SOX5: variants seen among roughly 807,000 people sequenced by gnomAD.
SOX5 encodes transcription factor SOX-5.
In SOX5, 9 loss-of-function variants were observed where a neutral mutation model predicts 92.0. That is an observed-to-expected ratio of 0.10 (90% confidence interval 0.06 to 0.17). The LOEUF (loss-of-function observed/expected upper bound fraction) is 0.17, where lower values mean the gene tolerates loss of function less well. SOX5 is among the 10% of genes least tolerant of loss of function. The pLI, the probability that SOX5 is intolerant of heterozygous loss-of-function variation, is 1.00. For synonymous variants in SOX5, 344 were observed against 336.3 expected, an observed-to-expected ratio of 1.02 and a Z score of -0.25; for missense variants, 642 against 944.5, an observed-to-expected ratio of 0.68 and a Z score of 4.20.
rs115995444 is a variant in SOX5, at chr12:24,197,856, A to T, written c.-2+15487T>A. On this transcript the variant is annotated intron_variant, in intron 4 of 4. Transcript: ENST00000446891. ...GTTCCTGTTACTTGAAGCTGAATAC[A>T]ATTGCTAAGTGATAGGGACTCACAG... Among the ~76,000 whole-genome samples the T allele has an allele frequency of 3.7e-3, 571 of 152,312 alleles. 4 individuals carry two copies. Among genetic ancestry groups the T allele is most frequent in the African/African-American group, 0.012 (508 of 41,558 alleles).
chr12:24,155,188 G>A (rs1952040200), intron 4 of SOX5, among the ~76,000 whole-genome samples: 1 of 152,018 alleles, frequency 6.6e-6, no homozygotes, highest in Non-Finnish European at 1.5e-5. Context: ...ATTATTTTCA[G>A]GGGTTTCATG....
At chr12:23,568,417 C>T (rs1256580424) in intron 10 of SOX5, among the ~76,000 whole-genome samples, 1 of 152,158 alleles carries the variant, frequency 6.6e-6, no homozygotes, top group Non-Finnish European at 1.5e-5. Flanking sequence ...ATATGCCACC[C>T]TTGGTCTTTA....
intron 4 of SOX5, among the ~76,000 whole-genome samples, chr12:23,744,551 A>G (rs2093916154): frequency 6.6e-6 from 1 of 152,204 alleles, no homozygotes; most frequent in Non-Finnish European, 1.5e-5. Flanking sequence ...TTAATCAATC[A>G]CAGTAATTTT....
chr12:24,108,512 A>C (rs1308001609), intron 4 of SOX5, among the ~76,000 whole-genome samples: 1 of 152,102 alleles, frequency 6.6e-6, no homozygotes, highest in Non-Finnish European at 1.5e-5. Context: ...CTGTCAAGTT[A>C]ACTCTCTAAT....
Position 24,256,847 on chromosome 12 carries a change from C to T in SOX5, c.-77+20369G>A, listed in dbSNP as rs559162972. 4.6e-5 allele frequency among the ~76,000 whole-genome samples: 7 copies of T among 152,286 alleles called. No individual in the cohort carries two copies. In the East Asian group the frequency reaches 9.7e-4, roughly 21 times the overall value. ...TGTCATCTGCCTGCTGCATGACTCC[C>T]GGCTTTGCTATAATTATTAATTGCA... On this transcript the variant is annotated intron_variant, in intron 3 of 4. Coordinates refer to the SOX5 transcript ENST00000446891.
chr12:23,562,078 T>G (rs758220272), intron 11 of SOX5, among the ~76,000 whole-genome samples: 2 of 152,178 alleles, frequency 1.3e-5, no homozygotes, highest in African/African-American at 4.8e-5. Flanking sequence ...CATTCCTTCT[T>G]AGAACTGTCA....
chr12:23,721,014 A>T (rs2092785155), intron 6 of SOX5, among the ~76,000 whole-genome samples: 1 of 152,142 alleles, frequency 6.6e-6, no homozygotes, highest in African/African-American at 2.4e-5. Context: ...ATCTTCATCT[A>T]CAAAAGAAGA....
rs146649588 is a variant in SOX5 at position 24,495,538 on chromosome 12, T to C, written c.-251+66791A>G. On this transcript the variant is annotated intron_variant, in intron 1 of 4. Coordinates refer to the SOX5 transcript ENST00000446891. The stretch of plus-strand genomic sequence containing the variant: ...TTGCAAAGTATCAACCAATAACAAA[T>C]CTGGATGTTGATTTCTTTTCCATTT... Among the ~76,000 whole-genome samples, 45 of 152,254 alleles carry C rather than the reference T, an allele frequency of 3.0e-4. No individual in the cohort carries two copies. The East Asian group carries it at 4.2e-3, about 14-fold the overall frequency.
intron 2 of SOX5, among the ~76,000 whole-genome samples, chr12:23,863,793 TACACACACACACACACACACACAC>T (rs71059936): frequency 0.11 from 15,412 of 145,752 alleles, 826 homozygotes; most frequent in South Asian, 0.16. Flanking sequence ...TTAAACACAC[TACACACACACACACACACACACAC>T]ACACACACAC....
intron 1 of SOX5, among the ~76,000 whole-genome samples, chr12:24,392,080 G>A (rs924074926): frequency 2.6e-5 from 4 of 151,982 alleles, no homozygotes; most frequent in African/African-American, 9.7e-5. Context: ...CTCATCTCCT[G>A]CATTCAGCTA....
intron 10 of SOX5, among the ~76,000 whole-genome samples, chr12:23,575,217 C>G (rs545234308): frequency 6.6e-6 from 1 of 152,128 alleles, no homozygotes; most frequent in South Asian, 2.1e-4. Context: ...AATCCTCAAA[C>G]AGAACGAAAC....
chr12:24,389,363 A>G (rs1958755245), intron 1 of SOX5, among the ~76,000 whole-genome samples: 1 of 152,056 alleles, frequency 6.6e-6, no homozygotes, highest in Non-Finnish European at 1.5e-5. Context: ...TCATTGTTGG[A>G]CATTTGGGTT....
chr12:23,888,949 T>C (rs368292684), intron 2 of SOX5, among the ~76,000 whole-genome samples: 1 of 152,196 alleles, frequency 6.6e-6, no homozygotes, highest in Non-Finnish European at 1.5e-5. Context: ...AGTTTATAGA[T>C]AAACTGTGTG....
At chr12:23,951,045 T>C, upstream of SOX5, 1 of 593,720 alleles carries the variant, frequency 1.7e-6, no homozygotes, top group South Asian at 2.2e-5. Context: ...GAGGGTTCAT[T>C]CTGCACAAAA....
At chr12:23,725,989 A>G (rs935364961) in intron 6 of SOX5, among the ~76,000 whole-genome samples, 1 of 152,156 alleles carries the variant, frequency 6.6e-6, no homozygotes. Context: ...TTTTCCTTCA[A>G]GGGAAAACTA....
In SOX5 at chr12:24,377,460, T is replaced by G. The variant is rs180705313; in HGVS notation, c.-250-8821A>C. 1.4e-4 allele frequency among the ~76,000 whole-genome samples: 21 copies of G among 151,506 alleles called. No individual in the cohort carries two copies. In the East Asian group the frequency reaches 3.5e-3, roughly 25 times the overall value. On this transcript the variant is annotated intron_variant, in intron 1 of 4. Coordinates refer to the SOX5 transcript ENST00000446891. The stretch of plus-strand genomic sequence containing the variant: ...ACATAACCATTTCTGAAACTAAAAC[T>G]AACTAAGAATGCAGAAAAATGTTAC...
At chr12:23,567,628 TA>T (rs1042938339) in intron 10 of SOX5, among the ~76,000 whole-genome samples, 13 of 152,102 alleles carry the variant, frequency 8.5e-5, no homozygotes, top group African/African-American at 2.7e-4. Flanking sequence ...AGTTACTTTT[TA>T]AGTTTTTGTA....
chr12:23,685,032 A>C (rs964521941), intron 6 of SOX5, among the ~76,000 whole-genome samples: 1 of 152,218 alleles, frequency 6.6e-6, no homozygotes, highest in East Asian at 1.9e-4. Flanking sequence ...ATCTTCCTTG[A>C]CTATTTCTCA....
intron 2 of SOX5, among the ~76,000 whole-genome samples, chr12:24,288,833 TTC>T (rs1321089708): frequency 1.3e-5 from 2 of 151,994 alleles, no homozygotes; most frequent in East Asian, 1.9e-4. Flanking sequence ...GTGAATTTGG[TTC>T]TCTTTTTACT....
Sources: allele counts gnomAD v4.1 joint callset (sites outside exome capture counted in the v4.1 genomes callset), GRCh38; gene constraint gnomAD v4.1.1; transcripts MANE v1.5; gene names NCBI Gene and HGNC (gene_info 2026-07-23, HGNC 2026-07-21).